The following DEPDC1B variants were observed in gnomAD, a reference collection of about 807,000 sequenced individuals.
DEPDC1B encodes the protein DEP domain-containing protein 1B.
Under a neutral mutation model 66.5 loss-of-function variants are expected in DEPDC1B, and 51 were observed. That is an observed-to-expected ratio of 0.77 (90% confidence interval 0.61 to 0.97). The LOEUF (loss-of-function observed/expected upper bound fraction) is 0.97. DEPDC1B is among the 50% of genes least tolerant of loss of function. The probability of loss-of-function intolerance (pLI) is 0.00; values close to 1 mark genes in which losing one functional copy is unlikely to be tolerated. For synonymous variants in DEPDC1B, 226 were observed against 223.6 expected, an observed-to-expected ratio of 1.01 and a Z score of -0.10; for missense variants, 552 against 637.1, an observed-to-expected ratio of 0.87 and a Z score of 1.44.
At chr5:60,605,545 G>C in intron 8 of DEPDC1B, 145 bp downstream of exon 8, 1 of 781,952 alleles carries the variant, frequency 1.3e-6, no homozygotes, top group Non-Finnish European at 1.9e-6. Flanking sequence ...TAGAACAAAA[G>C]CACGACACAA....
chr5:60,644,170 C>T (rs1407211089), intron 5 of DEPDC1B, among the ~76,000 whole-genome samples: 1 of 152,126 alleles, frequency 6.6e-6, no homozygotes, highest in Non-Finnish European at 1.5e-5. Context: ...ACTATCAGTA[C>T]CCTAACCACA....
chr5:60,677,944 G>A (rs897439435), intron 2 of DEPDC1B, among the ~76,000 whole-genome samples: 1 of 152,040 alleles, frequency 6.6e-6, no homozygotes, highest in Non-Finnish European at 1.5e-5. Context: ...TTAAAGGTGA[G>A]GTATCTAAAA....
chr5:60,637,502 T>C (rs1753070594), intron 7 of DEPDC1B, among the ~76,000 whole-genome samples: 1 of 152,240 alleles, frequency 6.6e-6, no homozygotes, highest in African/African-American at 2.4e-5. Context: ...AAACCTCTTT[T>C]CTTTATACAT....
chr5:60,605,594 C>A (rs113675145), intron 8 of DEPDC1B, 96 bp downstream of exon 8: 24,881 of 1,368,946 alleles, frequency 0.018, 274 homozygotes, highest in Middle Eastern at 0.03. Context: ...TTAAGCAAGT[C>A]TGCTTTGTAC....
rs569165535 is a variant in DEPDC1B at position 60,667,548 on chromosome 5, G to A, written c.314+19414C>T. Reference sequence around the variant, plus strand: ...GATATTTTACATATATATAAAAAATGGATATTTTACATATATAAAAAAGTG... The same window carrying A: ...GATATTTTACATATATATAAAAAATAGATATTTTACATATATAAAAAAGTG... On this transcript the variant is annotated intron_variant, in intron 2 of 10. Transcript: ENST00000265036. Among the ~76,000 whole-genome samples the A allele has an allele frequency of 1.0e-3, 141 of 141,244 alleles. 1 individual carries two copies. The highest frequency in any genetic ancestry group is 1.8e-3 in the Non-Finnish European group (120 of 65,464). The allele number at this position is 141,244 out of a possible 152,430, so 92.7% of individuals were successfully genotyped here.
chr5:60,642,805 T>G lies in DEPDC1B; in HGVS notation c.757+7A>C. On this transcript the variant is annotated splice_region_variant and intron_variant, in intron 6 of 10. Coordinates refer to ENST00000265036, the MANE Select transcript of DEPDC1B (RefSeq NM_018369.3). ...TTTCACAAAACTGGCAGATAATTAG[T>G]ACTTACAATTTGCCAAACACTTCAT... The G allele has an allele frequency of 1.2e-6, 2 of 1,607,642 alleles. No homozygotes were observed. Among genetic ancestry groups the G allele is most frequent in the Non-Finnish European group, 1.7e-6 (2 of 1,177,712 alleles).
Position 60,657,525 on chromosome 5 carries a change from G to T in DEPDC1B, c.315-9992C>A, listed in dbSNP as rs368292527. Among the ~76,000 whole-genome samples, 23 of 152,238 alleles carry T rather than the reference G, an allele frequency of 1.5e-4. No individual in the cohort carries two copies. The East Asian group carries it at 3.5e-3, about 23-fold the overall frequency. ...ATTCTCTCAGCATTTGTCTTTAAAA[G>T]ACTGTATCTTTGCTTTGTTTATGAA... On this transcript the variant is annotated intron_variant, in intron 2 of 10. Coordinates refer to ENST00000265036, the MANE Select transcript of DEPDC1B (RefSeq NM_018369.3).
chr5:60,676,918 G>A (rs191168047), intron 2 of DEPDC1B, among the ~76,000 whole-genome samples: 101 of 152,304 alleles, frequency 6.6e-4, no homozygotes, highest in African/African-American at 2.1e-3. Context: ...ACTGGAGTGA[G>A]TTTGCCCCAT....
intron 7 of DEPDC1B, among the ~76,000 whole-genome samples, chr5:60,617,265 A>C (rs1325278070): frequency 6.6e-6 from 1 of 152,248 alleles, no homozygotes; most frequent in African/African-American, 2.4e-5. Flanking sequence ...TCATAATGAC[A>C]GGATCAAATT....
intron 2 of DEPDC1B, among the ~76,000 whole-genome samples, chr5:60,678,304 A>G (rs957922357): frequency 6.6e-6 from 1 of 152,168 alleles, no homozygotes; most frequent in African/African-American, 2.4e-5. Flanking sequence ...ATGGATGTAC[A>G]ATAGTTATCC....
chr5:60,601,568 CA>C (rs539256425), intron 9 of DEPDC1B, among the ~76,000 whole-genome samples: 5 of 151,782 alleles, frequency 3.3e-5, no homozygotes, highest in African/African-American at 1.2e-4. Flanking sequence ...ACAGATTAGC[CA>C]AAAAAAATCT....
In DEPDC1B at chr5:60,596,964, A is replaced by C. The variant is rs1752107696; in HGVS notation, c.*789T>G. ...TTACATTTCACTTACTTTCAAAAGG[A>C]TGAAAATATATTTATAAAGGAAGTA... is the stretch of plus-strand genomic sequence containing the variant. On this transcript the variant is annotated 3_prime_UTR_variant, in exon 11 of 11. Transcript: ENST00000265036. The C allele has an allele frequency of 6.6e-6, 1 of 152,644 alleles. No homozygotes were observed. The highest frequency in any genetic ancestry group is 2.1e-4 in the South Asian group (1 of 4,832). 9.5% of individuals were successfully genotyped at this position (152,644 alleles called of 1,614,324 possible). A position where few individuals can be genotyped will look rare whatever the true frequency, so the allele number is the denominator to read the frequency against.
chr5:60,687,573 C>A lies in DEPDC1B; in HGVS notation c.49-346G>T, dbSNP rs559251871. ...ATAGAGTCTAGCTTTGTCGCCCAGG[C>A]TGGAGTGCAGTGGCGTGTCTCTGCT... On this transcript the variant is annotated intron_variant, in intron 1 of 10. Coordinates refer to ENST00000265036, the MANE Select transcript of DEPDC1B (RefSeq NM_018369.3). Among the ~76,000 whole-genome samples, 602 of 151,954 alleles carry A rather than the reference C, an allele frequency of 4.0e-3. 7 individuals carry two copies. Among genetic ancestry groups the A allele is most frequent in the African/African-American group, 0.014 (575 of 41,454 alleles).
chr5:60,654,711 C>A (rs984773612), intron 2 of DEPDC1B, among the ~76,000 whole-genome samples: 6 of 148,690 alleles, frequency 4.0e-5, no homozygotes, highest in Non-Finnish European at 7.4e-5. Flanking sequence ...TTCCAGTTCT[C>A]AGGGGGAATG....
At chr5:60,627,554 C>T (rs1752832098) in intron 7 of DEPDC1B, among the ~76,000 whole-genome samples, 1 of 152,008 alleles carries the variant, frequency 6.6e-6, no homozygotes, top group African/African-American at 2.4e-5. Flanking sequence ...ACAATCTCAA[C>T]ATCATCATCA....
At chr5:60,691,255 T>C (rs1054505723) in intron 1 of DEPDC1B, among the ~76,000 whole-genome samples, 2 of 151,746 alleles carry the variant, frequency 1.3e-5, no homozygotes, top group Non-Finnish European at 2.9e-5. Flanking sequence ...GGTTTCACCA[T>C]GTTAGTCAGG....
At chr5:60,689,204 C>T (rs1754490044) in intron 1 of DEPDC1B, among the ~76,000 whole-genome samples, 1 of 152,236 alleles carries the variant, frequency 6.6e-6, no homozygotes, top group South Asian at 2.1e-4. Flanking sequence ...GGCAGGTGAA[C>T]TGCCATGTCT....
chr5:60,626,025 A>G (rs1047950807), intron 7 of DEPDC1B, among the ~76,000 whole-genome samples: 1 of 152,022 alleles, frequency 6.6e-6, no homozygotes. Context: ...ATCTTTTTTA[A>G]AGTATATGAT....
chr5:60,650,228 T>C (rs1490095713), intron 2 of DEPDC1B, among the ~76,000 whole-genome samples: 1 of 151,942 alleles, frequency 6.6e-6, no homozygotes, highest in East Asian at 1.9e-4. Context: ...ATTCTAAAAT[T>C]TATATGAAAA....
Sources: gnomAD v4.1 joint callset for allele counts (sites outside exome capture counted in the v4.1 genomes callset) on GRCh38, gnomAD v4.1.1 for gene constraint, MANE v1.5 for transcripts, NCBI Gene and HGNC (gene_info 2026-07-23, HGNC 2026-07-21) for gene names.